TACC2: variants seen among roughly 807,000 people sequenced by gnomAD.
The protein encoded by TACC2 is transforming acidic coiled-coil containing protein 2.
TACC2 carries 137 observed loss-of-function variants against 227.3 expected under a neutral mutation model. The ratio of observed to expected loss-of-function variants is 0.60; its 90% CI spans 0.52 to 0.69. The LOEUF is 0.69. TACC2 is among the 30% of genes least tolerant of loss of function. TACC2 has a pLI of 0.00. For missense variants in TACC2, 3,470 were observed against 3,694.4 expected (o/e 0.94, Z 1.57); for synonymous variants, 1,523 against 1,487.5 (o/e 1.02, Z -0.55).
intron 2 of TACC2, among the ~76,000 whole-genome samples, chr10:122,046,917 AAATGCCACTCACTCAGTATTGTT>A (rs1336128790): frequency 6.6e-6 from 1 of 152,162 alleles, no homozygotes; most frequent in Admixed American, 6.5e-5. Context: ...CCTGATATAA[AAATGCCACTCACTCAGTATTGTT>A]AATCTTGAGT....
chr10:122,161,625 GAACCTT>G (rs966801405), intron 7 of TACC2, among the ~76,000 whole-genome samples: 5 of 152,262 alleles, frequency 3.3e-5, no homozygotes, highest in African/African-American at 4.8e-5. Context: ...TATCGCAGCA[GAACCTT>G]TACCTATTAA....
intron 5 of TACC2, among the ~76,000 whole-genome samples, chr10:122,091,922 C>T (rs1164938154): frequency 6.6e-6 from 1 of 152,204 alleles, no homozygotes; most frequent in African/African-American, 2.4e-5. Context: ...ACATACCTAA[C>T]CTCAGTTTGT....
At chr10:122,017,624 C>G (rs1956823402) in intron 1 of TACC2, among the ~76,000 whole-genome samples, 1 of 151,822 alleles carries the variant, frequency 6.6e-6, no homozygotes, top group Non-Finnish European at 1.5e-5. Context: ...GGAGACCAAC[C>G]TGGCCAACAT....
At chr10:122,250,089 G>A (rs948589057) in intron 22 of TACC2, among the ~76,000 whole-genome samples, 10 of 152,228 alleles carry the variant, frequency 6.6e-5, no homozygotes, top group African/African-American at 2.4e-4. Context: ...GGGCGCCCAG[G>A]TGGCCTCTAA....
At chr10:122,013,414 G>A (rs1284575185) in intron 1 of TACC2, among the ~76,000 whole-genome samples, 2 of 152,174 alleles carry the variant, frequency 1.3e-5, no homozygotes, top group Non-Finnish European at 1.5e-5. Context: ...GTATTAAAAC[G>A]GGAACATGAT....
chr10:122,176,063 G>A (rs2093677868), intron 7 of TACC2, among the ~76,000 whole-genome samples: 1 of 143,764 alleles, frequency 7.0e-6, no homozygotes, highest in Non-Finnish European at 1.5e-5. Flanking sequence ...CTGAACAACA[G>A]AGCAAAACCT....
At chr10:122,096,436 C>T (rs539511574) in intron 5 of TACC2, among the ~76,000 whole-genome samples, 32 of 152,182 alleles carry the variant, frequency 2.1e-4, no homozygotes, top group Admixed American at 4.6e-4. Context: ...GTGGCTCACG[C>T]CTATAATCCC....
At chr10:122,145,111 T>C (rs183949791) in intron 7 of TACC2, among the ~76,000 whole-genome samples, 104 of 152,390 alleles carry the variant, frequency 6.8e-4, no homozygotes, top group African/African-American at 2.4e-3. Flanking sequence ...TCAAATATTC[T>C]GCCCTTCAGT....
At chr10:122,161,400 G>C (rs1328339213) in intron 7 of TACC2, among the ~76,000 whole-genome samples, 1 of 152,148 alleles carries the variant, frequency 6.6e-6, no homozygotes, top group African/African-American at 2.4e-5. Flanking sequence ...ATACTTGGGG[G>C]GAAATTTTTT....
chr10:122,105,239 CTG>C (rs2082614611), intron 5 of TACC2, among the ~76,000 whole-genome samples: 1 of 131,482 alleles, frequency 7.6e-6, no homozygotes, highest in Non-Finnish European at 1.7e-5. Flanking sequence ...CCAGTATGCT[CTG>C]TGTCTGGGGA....
At chr10:122,184,802 GT>G (rs965677759) in intron 7 of TACC2, among the ~76,000 whole-genome samples, 1 of 151,680 alleles carries the variant, frequency 6.6e-6, no homozygotes, top group East Asian at 1.9e-4. Context: ...AATTTGCTGG[GT>G]TTTTTTTCCT....
At chr10:122,110,811 T>C (rs1331805947) in intron 5 of TACC2, among the ~76,000 whole-genome samples, 2 of 152,188 alleles carry the variant, frequency 1.3e-5, no homozygotes, top group East Asian at 3.8e-4. Flanking sequence ...TAATTTTGGC[T>C]TAAGACAACA....
intron 3 of TACC2, chr10:122,079,051 A>T (rs911080544): frequency 6.6e-6 from 1 of 152,254 alleles, no homozygotes; most frequent in Non-Finnish European, 1.5e-5. Context: ...AGAGGCGTGG[A>T]CAAGAAAGTG....
intron 7 of TACC2, among the ~76,000 whole-genome samples, chr10:122,158,531 C>A (rs1037290496): frequency 1.5e-4 from 23 of 152,210 alleles, no homozygotes; most frequent in Non-Finnish European, 1.5e-5. Flanking sequence ...CCACCTCTGT[C>A]ATAACTGAAT....
At chr10:122,181,650 G>C (rs1339649136) in intron 7 of TACC2, among the ~76,000 whole-genome samples, 3 of 152,166 alleles carry the variant, frequency 2.0e-5, no homozygotes, top group Non-Finnish European at 2.9e-5. Context: ...CTGTGGTGCT[G>C]TTTTCTCCTA....
chr10:122,190,477 G>C (rs185030872), intron 7 of TACC2, among the ~76,000 whole-genome samples: 1 of 152,132 alleles, frequency 6.6e-6, no homozygotes, highest in Non-Finnish European at 1.5e-5. Flanking sequence ...GCTCGGCAGG[G>C]TCCTGTTTTC....
intron 5 of TACC2, among the ~76,000 whole-genome samples, chr10:122,121,589 G>A (rs2085811422): frequency 6.6e-6 from 1 of 152,122 alleles, no homozygotes; most frequent in Admixed American, 6.5e-5. Flanking sequence ...AAAATGTCTG[G>A]GACTTTAAAA....
rs538467694 is a variant in TACC2, at chr10:122,194,739, A to G, written c.5835-301A>G. Among the ~76,000 whole-genome samples, 2 of 152,290 alleles carry G rather than the reference A, an allele frequency of 1.3e-5. No individual in the cohort carries two copies. The highest frequency in any genetic ancestry group is 2.1e-4 in the South Asian group (1 of 4,814). On this transcript the variant is annotated intron_variant, in intron 7 of 22. Transcript: ENST00000369005. This position sits in a 1 kb window ranked among gnomAD's most constrained non-coding sequence, Gnocchi z 4.4. ...TCTCTATTTGAATCAATACCTAATA[A>G]TGAACGCGTGCGGAAGTTCATCCAG...
chr10:122,000,110 G>A lies in TACC2; in HGVS notation c.-46+10622G>A, dbSNP rs962944555. Among the ~76,000 whole-genome samples the A allele has an allele frequency of 5.3e-5, 8 of 152,154 alleles. No homozygotes were observed. In the South Asian group the frequency reaches 1.0e-3, roughly 20 times the overall value. On this transcript the variant is annotated intron_variant, in intron 1 of 22. Coordinates refer to ENST00000369005, the MANE Select transcript of TACC2 (RefSeq NM_206862.4). The stretch of plus-strand genomic sequence containing the variant: ...AAATTCAGTTTAGAAAATGCAAATC[G>A]GCTAAGTTCGTTGGCTCACGCCTGT...
Sources: allele counts gnomAD v4.1 joint callset (sites outside exome capture counted in the v4.1 genomes callset), GRCh38; gene constraint gnomAD v4.1.1; non-coding constraint Gnocchi (gnomAD v3.1); transcripts MANE v1.5; gene names NCBI Gene and HGNC (gene_info 2026-07-23, HGNC 2026-07-21).